PTPRE: variants seen among roughly 807,000 people sequenced by gnomAD.
PTPRE encodes the protein receptor-type tyrosine-protein phosphatase epsilon.
Under a neutral mutation model 102.0 loss-of-function variants are expected in PTPRE, and 51 were observed. The observed-to-expected ratio is 0.50, with a 90% CI of 0.40 to 0.63. The LOEUF is 0.63. Among genes scored for constraint, PTPRE ranks in the 30% least tolerant of loss-of-function variants. The probability of loss-of-function intolerance (pLI) is 0.00; values close to 1 mark genes in which losing one functional copy is unlikely to be tolerated. For synonymous variants in PTPRE, 345 were observed against 348.2 expected (o/e 0.99, Z 0.10); for missense variants, 752 against 915.1 (o/e 0.82, Z 2.30).
intron 1 of PTPRE, among the ~76,000 whole-genome samples, chr10:127,953,508 T>C (rs1444935536): frequency 1.3e-5 from 2 of 152,194 alleles, no homozygotes; most frequent in Non-Finnish European, 2.9e-5. Flanking sequence ...ACCATAAAGA[T>C]GGGCATGCAC....
intron 2 of PTPRE, among the ~76,000 whole-genome samples, chr10:127,984,503 G>A (rs1340888763): frequency 6.6e-6 from 1 of 152,134 alleles, no homozygotes; most frequent in Non-Finnish European, 1.5e-5. Flanking sequence ...TTGAAGCCTG[G>A]GTCTCCTATC....
intron 15 of PTPRE, 158 bp from the exon 16 acceptor site, chr10:128,071,980 T>G (rs529820432): frequency 2.4e-5 from 14 of 581,330 alleles, no homozygotes; most frequent in Non-Finnish European, 3.9e-5. Context: ...CCTGAGCCAC[T>G]TTAATTATCG....
intron 20 of PTPRE, 135 bp downstream of exon 20, chr10:128,079,830 G>A (rs1851547004): frequency 8.4e-7 from 1 of 1,188,544 alleles, no homozygotes; most frequent in Non-Finnish European, 1.2e-6. Context: ...AGAGCCAGCT[G>A]CAATGTTTCG....
intron 1 of PTPRE, among the ~76,000 whole-genome samples, chr10:127,915,603 A>T (rs1378526489): frequency 6.6e-6 from 1 of 152,208 alleles, no homozygotes; most frequent in Non-Finnish European, 1.5e-5. Context: ...TTTGGACCCA[A>T]AGTAATATAA....
intron 1 of PTPRE, among the ~76,000 whole-genome samples, chr10:127,947,406 G>T (rs1848703163): frequency 6.6e-6 from 1 of 152,170 alleles, no homozygotes; most frequent in Admixed American, 6.5e-5. Context: ...TTGAGGTGTT[G>T]CCACACCCTG....
At chr10:128,050,791 TC>T (rs1419071041) in intron 6 of PTPRE, among the ~76,000 whole-genome samples, 1 of 152,190 alleles carries the variant, frequency 6.6e-6, no homozygotes, top group Non-Finnish European at 1.5e-5. Context: ...AATGGGAGGC[TC>T]AGACAATGGA....
At chr10:127,915,995 G>GAA (rs553726682) in intron 1 of PTPRE, among the ~76,000 whole-genome samples, 1 of 134,662 alleles carries the variant, frequency 7.4e-6, no homozygotes. Context: ...GAGTTACAGG[G>GAA]AAAAAAAAAA....
rs560529214 is a variant in PTPRE, at chr10:127,980,351, T to G, written c.-30-1923T>G. ...CATATACAAATCCTTTTTTTTTTTT[T>G]TGTATTAGTAACTTTATACCTTGTG... is the stretch of plus-strand genomic sequence containing the variant. On this transcript the variant is annotated intron_variant, in intron 1 of 20. Transcript: ENST00000254667. Among the ~76,000 whole-genome samples, 11 of 151,114 alleles carry G rather than the reference T, an allele frequency of 7.3e-5. No homozygotes were observed. The South Asian group carries it at 1.3e-3, about 17-fold the overall frequency.
intron 2 of PTPRE, among the ~76,000 whole-genome samples, chr10:127,993,976 A>G (rs1852978501): frequency 6.6e-6 from 1 of 152,198 alleles, no homozygotes; most frequent in African/African-American, 2.4e-5. Context: ...ATGGAGCAGA[A>G]GGTGGGCCAG....
rs1444469009 is a variant in PTPRE, at chr10:127,907,717, CGAGGCTG to C, written c.-31+419_-31+425del. Among the ~76,000 whole-genome samples the C allele has an allele frequency of 2.6e-5, 4 of 152,096 alleles. No individual in the cohort carries two copies. Among genetic ancestry groups the C allele is most frequent in the African/African-American group, 9.7e-5 (4 of 41,428 alleles). ...CCGCGCGTGGGGGGCTGCGCCCACTCGAGGCTGGAGGCTGGAGCCTTTGAAGAAAGTG... is the reference window on the plus strand; with the variant it reads ...CCGCGCGTGGGGGGCTGCGCCCACTCGAGGCTGGAGCCTTTGAAGAAAGTG... On this transcript the variant is annotated intron_variant, in intron 1 of 20. Coordinates refer to ENST00000254667, the MANE Select transcript of PTPRE (RefSeq NM_006504.6). The surrounding 1 kb of genome is among the most constrained non-coding windows in gnomAD (Gnocchi z 4.8).
At chr10:128,049,399 A>G (rs1036114104) in intron 5 of PTPRE, 131 bp from the exon 6 acceptor site, 22 of 1,176,762 alleles carry the variant, frequency 1.9e-5, no homozygotes, top group Non-Finnish European at 2.6e-5. Context: ...TAGCCCAGCT[A>G]TGCGATTTGA....
intron 11 of PTPRE, among the ~76,000 whole-genome samples, chr10:128,067,083 GGCACACACAT>G (rs1465535413): frequency 6.3e-5 from 9 of 143,808 alleles, no homozygotes; most frequent in African/African-American, 2.1e-4. Context: ...CCCACACACA[GGCACACACAT>G]GCACACACAC....
chr10:128,022,005 T>C (rs1468839318), intron 2 of PTPRE, among the ~76,000 whole-genome samples: 1 of 152,232 alleles, frequency 6.6e-6, no homozygotes, highest in Admixed American at 6.5e-5. Flanking sequence ...GTCCCATCAC[T>C]GCGTCTCCCC....
At position 127,976,327 on chromosome 10, in the gene PTPRE, G is replaced by C. The variant is rs574517864; in HGVS notation, c.-30-5947G>C. 1.3e-5 allele frequency among the ~76,000 whole-genome samples: 2 copies of C among 152,260 alleles called. 1 individual carries two copies. Among genetic ancestry groups the C allele is most frequent in the Admixed American group, 1.3e-4 (2 of 15,298 alleles). Reference sequence around the variant, plus strand: ...ACTGATAATAATGGCATAGACAGACGAGGCAGTATGGAAACCAGCAGACAC... The same window carrying C: ...ACTGATAATAATGGCATAGACAGACCAGGCAGTATGGAAACCAGCAGACAC... On this transcript the variant is annotated intron_variant, in intron 1 of 20. Transcript: ENST00000254667.
chr10:128,035,620 G>A (rs1041594828), intron 2 of PTPRE, among the ~76,000 whole-genome samples: 1 of 152,206 alleles, frequency 6.6e-6, no homozygotes, highest in Non-Finnish European at 1.5e-5. Flanking sequence ...CCAAACAGCT[G>A]CAGGTTTTGA....
At chr10:127,935,715 T>G (rs570948561) in intron 1 of PTPRE, among the ~76,000 whole-genome samples, 1 of 152,076 alleles carries the variant, frequency 6.6e-6, no homozygotes, top group Non-Finnish European at 1.5e-5. Flanking sequence ...GAACAGTCCC[T>G]CCCTGAGGGC....
intron 11 of PTPRE, among the ~76,000 whole-genome samples, chr10:128,067,001 C>T (rs1170544486): frequency 1.3e-5 from 2 of 149,274 alleles, no homozygotes; most frequent in East Asian, 2.0e-4. Context: ...GGCACACACA[C>T]GTACACCTAC....
intron 1 of PTPRE, among the ~76,000 whole-genome samples, chr10:127,910,910 T>G (rs189300008): frequency 1.3e-5 from 2 of 152,194 alleles, no homozygotes; most frequent in East Asian, 3.9e-4. Context: ...ATGATGGAAC[T>G]CTGTACCAAA....
At chr10:128,050,392 G>A (rs1254917179) in intron 6 of PTPRE, among the ~76,000 whole-genome samples, 43 of 148,728 alleles carry the variant, frequency 2.9e-4, no homozygotes, top group Non-Finnish European at 1.5e-5. Flanking sequence ...GAGGGCATAT[G>A]GATGGATGAG....
Sources: gnomAD v4.1 joint callset for allele counts (sites outside exome capture counted in the v4.1 genomes callset) on GRCh38, gnomAD v4.1.1 for gene constraint, Gnocchi (gnomAD v3.1) non-coding constraint, MANE v1.5 for transcripts, NCBI Gene and HGNC (gene_info 2026-07-23, HGNC 2026-07-21) for gene names.